The following GABRA3 variants were observed in gnomAD, a reference collection of about 807,000 sequenced individuals.
GABRA3 encodes the protein gamma-aminobutyric acid receptor subunit alpha-3.
Under a neutral mutation model 30.1 loss-of-function variants are expected in GABRA3, and 10 were observed. The observed-to-expected ratio is 0.33, with a 90% CI of 0.20 to 0.56. GABRA3 has a LOEUF of 0.56. Among genes scored for constraint, GABRA3 ranks in the 20% least tolerant of loss-of-function variants. GABRA3 has a pLI of 0.89. For synonymous variants in GABRA3, 151 were observed against 146.8 expected (o/e 1.03, Z -0.21); for missense variants, 233 against 392.0 (o/e 0.59, Z 3.42).
At chrX:152,385,202 G>C (rs1333033964) in intron 1 of GABRA3, among the ~76,000 whole-genome samples, 1 of 111,406 alleles carries the variant, frequency 9.0e-6, no homozygotes, top group Non-Finnish European at 1.9e-5. Flanking sequence ...GAAAAGTTTG[G>C]CATTAGACTA....
At chrX:152,181,362 G>T (rs1937144013) in intron 9 of GABRA3, among the ~76,000 whole-genome samples, 1 of 111,553 alleles carries the variant, frequency 9.0e-6, no homozygotes, top group Non-Finnish European at 1.9e-5. Context: ...AAATGCAACT[G>T]ATTTTTGCAT....
At chrX:152,237,951 G>A (rs1407243280) in intron 5 of GABRA3, among the ~76,000 whole-genome samples, 1 of 110,848 alleles carries the variant, frequency 9.0e-6, no homozygotes, top group African/African-American at 3.3e-5. Context: ...GGGACAATTT[G>A]ACTCCCTCTT....
chrX:152,326,728 T>C (rs1940066145), intron 3 of GABRA3, among the ~76,000 whole-genome samples: 2 of 111,413 alleles, frequency 1.8e-5, no homozygotes, highest in Non-Finnish European at 3.8e-5. Flanking sequence ...AAGGAACAAC[T>C]GGTACCAACC....
chrX:152,264,558 A>G (rs149024139), intron 4 of GABRA3, among the ~76,000 whole-genome samples: 2,582 of 111,396 alleles, frequency 0.023, 39 homozygotes, highest in Middle Eastern at 0.065. Context: ...CAGTAAAACA[A>G]TCACAAGAAG....
intron 3 of GABRA3, among the ~76,000 whole-genome samples, chrX:152,326,511 A>T (rs1940061070): frequency 8.9e-6 from 1 of 112,033 alleles, no homozygotes; most frequent in Non-Finnish European, 1.9e-5. Context: ...ATCTCTCAGC[A>T]AAAACTCTAC....
chrX:152,319,810 C>A (rs1265105780), intron 3 of GABRA3, among the ~76,000 whole-genome samples: 2 of 110,957 alleles, frequency 1.8e-5, no homozygotes, highest in African/African-American at 6.6e-5. Flanking sequence ...AGGAGAAAAT[C>A]TTCACAAATC....
chrX:152,231,294 T>C (rs1034615916), intron 5 of GABRA3, among the ~76,000 whole-genome samples: 1 of 109,264 alleles, frequency 9.2e-6, no homozygotes, highest in Non-Finnish European at 1.9e-5. Context: ...CATATACGTG[T>C]ATATATACGT....
At chrX:152,438,540 A>G (rs1930835627) in intron 1 of GABRA3, among the ~76,000 whole-genome samples, 1 of 112,716 alleles carries the variant, frequency 8.9e-6, no homozygotes, top group Non-Finnish European at 1.9e-5. Context: ...CATAATTGCC[A>G]AAACTTGGAA....
intron 1 of GABRA3, among the ~76,000 whole-genome samples, chrX:152,422,166 G>A (rs1046857437): frequency 5.4e-5 from 6 of 111,463 alleles, no homozygotes; most frequent in African/African-American, 2.0e-4. Flanking sequence ...TCAACAGTAG[G>A]AGGGATATAT....
intron 1 of GABRA3, among the ~76,000 whole-genome samples, chrX:152,428,633 G>C (rs1255116631): frequency 8.1e-5 from 9 of 110,494 alleles, no homozygotes; most frequent in Non-Finnish European, 1.1e-4. Context: ...AAATGCTTGT[G>C]GAAACTGTGT....
At chrX:152,225,338 A>G (rs1937921803) in intron 5 of GABRA3, among the ~76,000 whole-genome samples, 1 of 109,680 alleles carries the variant, frequency 9.1e-6, no homozygotes, top group African/African-American at 3.3e-5. Context: ...TGCTCACAGG[A>G]ACTGCTATAG....
At chrX:152,345,017 G>A (rs1417728389) in intron 3 of GABRA3, among the ~76,000 whole-genome samples, 1 of 111,650 alleles carries the variant, frequency 9.0e-6, no homozygotes, top group Non-Finnish European at 1.9e-5. Context: ...ATACTAAACT[G>A]ATGGCCAACT....
At chrX:152,438,594 T>C (rs1930837101) in intron 1 of GABRA3, among the ~76,000 whole-genome samples, 1 of 112,359 alleles carries the variant, frequency 8.9e-6, no homozygotes, top group East Asian at 2.8e-4. Context: ...AAACAAACTG[T>C]GGTACAGCCT....
At chrX:152,324,199 T>C (rs747005768) in intron 3 of GABRA3, among the ~76,000 whole-genome samples, 1 of 112,348 alleles carries the variant, frequency 8.9e-6, no homozygotes, top group African/African-American at 3.2e-5. Flanking sequence ...CTGTGCTGTG[T>C]CATTATCAAT....
intron 8 of GABRA3, among the ~76,000 whole-genome samples, chrX:152,193,205 C>T (rs944088128): frequency 4.5e-5 from 5 of 111,036 alleles, no homozygotes; most frequent in Non-Finnish European, 9.4e-5. Context: ...CCATCCCCTC[C>T]TTGGTCTTAG....
At chrX:152,258,317 T>C (rs1287513316) in intron 4 of GABRA3, among the ~76,000 whole-genome samples, 1 of 111,707 alleles carries the variant, frequency 9.0e-6, no homozygotes, top group East Asian at 2.8e-4. Context: ...AGATTAGATA[T>C]TATGAAAGAG....
chrX:152,208,194 A>G, intron 6 of GABRA3, 50 bp from the exon 7 acceptor site: 8 of 1,136,801 alleles, frequency 7.0e-6, no homozygotes, highest in Non-Finnish European at 8.4e-6. Context: ...ATGGAGAATG[A>G]TTACCCTTGA....
At chrX:152,289,244 T>C (rs2058284106) in intron 3 of GABRA3, among the ~76,000 whole-genome samples, 1 of 110,205 alleles carries the variant, frequency 9.1e-6, no homozygotes, top group Non-Finnish European at 1.9e-5. Context: ...CCAGTCTCTG[T>C]AAGTTTGCCA....
intron 1 of GABRA3, among the ~76,000 whole-genome samples, chrX:152,405,993 G>A (rs1929925658): frequency 9.0e-6 from 1 of 110,634 alleles, no homozygotes; most frequent in Admixed American, 9.6e-5. Flanking sequence ...TGGAAAGAGA[G>A]GGAAAGTAAC....
Sources: allele counts gnomAD v4.1 joint callset (sites outside exome capture counted in the v4.1 genomes callset), GRCh38; gene constraint gnomAD v4.1.1; transcripts MANE v1.5; gene names NCBI Gene and HGNC (gene_info 2026-07-23, HGNC 2026-07-21).